The following NLGN1 variants were observed in gnomAD, a reference collection of about 807,000 sequenced individuals.
NLGN1 encodes neuroligin 1, also known as neuroligin-1.
Under a neutral mutation model 65.5 loss-of-function variants are expected in NLGN1, and 12 were observed. That is an observed-to-expected ratio of 0.18 (90% confidence interval 0.12 to 0.30). The LOEUF (loss-of-function observed/expected upper bound fraction) is 0.30. NLGN1 is among the 10% of genes least tolerant of loss of function. The probability of loss-of-function intolerance (pLI) is 1.00; values close to 1 mark genes in which losing one functional copy is unlikely to be tolerated. For missense variants in NLGN1, 750 were observed against 1,007.1 expected, an observed-to-expected ratio of 0.74 and a Z score of 3.46; for synonymous variants, 350 against 359.5, an observed-to-expected ratio of 0.97 and a Z score of 0.30.
At chr3:173,648,222 A>T (rs1758580861) in intron 3 of NLGN1, among the ~76,000 whole-genome samples, 1 of 152,228 alleles carries the variant, frequency 6.6e-6, no homozygotes, top group Admixed American at 6.5e-5. Context: ...TATGCTACAA[A>T]TTGAGAGAAA....
intron 2 of NLGN1, among the ~76,000 whole-genome samples, chr3:173,487,033 A>G (rs545896145): frequency 5.3e-5 from 8 of 151,726 alleles, no homozygotes; most frequent in Non-Finnish European, 8.8e-5. Flanking sequence ...ATTTCTGTTC[A>G]AATAGAAGAA....
chr3:174,167,628 A>AT (rs34000041), intron 4 of NLGN1, among the ~76,000 whole-genome samples: 17 of 121,334 alleles, frequency 1.4e-4, no homozygotes, highest in Admixed American at 1.6e-4. Context: ...TGCCCTTAAG[A>AT]TTTTTTTTTT....
intron 3 of NLGN1, among the ~76,000 whole-genome samples, chr3:173,781,938 A>G (rs1380863627): frequency 6.6e-6 from 1 of 152,162 alleles, no homozygotes; most frequent in Non-Finnish European, 1.5e-5. Context: ...ATTAAGCTTT[A>G]TTTGATTTAA....
chr3:173,641,887 A>G (rs901564048), intron 3 of NLGN1, among the ~76,000 whole-genome samples: 1 of 152,154 alleles, frequency 6.6e-6, no homozygotes, highest in Non-Finnish European at 1.5e-5. Flanking sequence ...TTTTCACACT[A>G]CAATGGCGGA....
chr3:173,552,084 G>T (rs1172167350), intron 2 of NLGN1, among the ~76,000 whole-genome samples: 2 of 152,186 alleles, frequency 1.3e-5, no homozygotes, highest in Non-Finnish European at 2.9e-5. Flanking sequence ...TATTGAAATA[G>T]ACTTATTGCA....
intron 4 of NLGN1, among the ~76,000 whole-genome samples, chr3:173,901,265 G>A (rs928027987): frequency 6.6e-6 from 1 of 151,744 alleles, no homozygotes; most frequent in African/African-American, 2.4e-5. Flanking sequence ...ACTGCAGGAA[G>A]GAGATGAGGA....
chr3:173,624,965 T>G (rs539134033), intron 3 of NLGN1, among the ~76,000 whole-genome samples: 7 of 152,210 alleles, frequency 4.6e-5, no homozygotes, highest in Non-Finnish European at 7.4e-5. Flanking sequence ...TAGTTGACAG[T>G]GATTTCATCC....
At chr3:174,192,533 T>C (rs1732587866) in intron 4 of NLGN1, among the ~76,000 whole-genome samples, 1 of 152,212 alleles carries the variant, frequency 6.6e-6, no homozygotes, top group Admixed American at 6.5e-5. Flanking sequence ...TCAATATTCA[T>C]TCAGTAAGTT....
At chr3:173,460,545 A>T (rs1723213215) in intron 2 of NLGN1, among the ~76,000 whole-genome samples, 1 of 152,084 alleles carries the variant, frequency 6.6e-6, no homozygotes, top group African/African-American at 2.4e-5. Flanking sequence ...AACTGAAGGT[A>T]TGGTTTTTGT....
At chr3:173,474,745 G>A (rs1485404267) in intron 2 of NLGN1, among the ~76,000 whole-genome samples, 1 of 152,118 alleles carries the variant, frequency 6.6e-6, no homozygotes. Context: ...GGATCACGAG[G>A]TCAGGAGTTC....
At chr3:173,640,045 T>A (rs1757163710) in intron 3 of NLGN1, among the ~76,000 whole-genome samples, 1 of 152,168 alleles carries the variant, frequency 6.6e-6, no homozygotes, top group Non-Finnish European at 1.5e-5. Flanking sequence ...AAAAAGCTTT[T>A]AAAATCACCT....
intron 4 of NLGN1, among the ~76,000 whole-genome samples, chr3:173,885,144 A>G (rs891543803): frequency 6.6e-6 from 1 of 152,176 alleles, no homozygotes; most frequent in Admixed American, 6.6e-5. Context: ...AAATTTCACT[A>G]TCTCCATAGA....
intron 4 of NLGN1, among the ~76,000 whole-genome samples, chr3:174,258,915 G>A (rs13074239): frequency 0.041 from 6,300 of 152,140 alleles, 175 homozygotes; most frequent in South Asian, 0.098. Context: ...GTATTATGTT[G>A]AAGATATGGT....
At chr3:173,417,599 T>C (rs1186537263) in intron 1 of NLGN1, among the ~76,000 whole-genome samples, 1 of 151,390 alleles carries the variant, frequency 6.6e-6, no homozygotes, top group African/African-American at 2.4e-5. Flanking sequence ...TTTGAGTTGC[T>C]TAATTATCAT....
intron 2 of NLGN1, among the ~76,000 whole-genome samples, chr3:173,596,411 T>A (rs1175400396): frequency 6.6e-6 from 1 of 152,246 alleles, no homozygotes; most frequent in Non-Finnish European, 1.5e-5. Context: ...CTGCCTTATC[T>A]CTTTCTATTT....
At chr3:174,071,469 T>A (rs937060534) in intron 4 of NLGN1, among the ~76,000 whole-genome samples, 1 of 151,926 alleles carries the variant, frequency 6.6e-6, no homozygotes, top group African/African-American at 2.4e-5. Context: ...ATCACTTGAG[T>A]CCAGCTGTTC....
chr3:173,448,605 T>C lies in NLGN1; in HGVS notation c.-321+13527T>C, dbSNP rs543898004. On this transcript the variant is annotated intron_variant, in intron 2 of 6. Transcript: ENST00000457714. The stretch of plus-strand genomic sequence containing the variant: ...ATGGGTTAGGGAGGATTCCCTCTTT[T>C]TCTATTGACTGGAATAGTTTCAGAA... Among the ~76,000 whole-genome samples the C allele has an allele frequency of 2.0e-5, 3 of 152,342 alleles. No homozygotes were observed. In the East Asian group the frequency reaches 5.8e-4, roughly 29 times the overall value.
At chr3:173,645,416 C>T (rs1203646528) in intron 3 of NLGN1, among the ~76,000 whole-genome samples, 1 of 152,236 alleles carries the variant, frequency 6.6e-6, no homozygotes, top group Non-Finnish European at 1.5e-5. Flanking sequence ...GGCTTTCCTC[C>T]ACTATTCCCA....
chr3:173,627,009 A>C (rs1754924369), intron 3 of NLGN1, among the ~76,000 whole-genome samples: 1 of 152,086 alleles, frequency 6.6e-6, no homozygotes, highest in African/African-American at 2.4e-5. Flanking sequence ...AGGAAACAAA[A>C]ACATTTTCAT....
Sources: gnomAD v4.1 joint callset for allele counts (sites outside exome capture counted in the v4.1 genomes callset) on GRCh38, gnomAD v4.1.1 for gene constraint, MANE v1.5 for transcripts, NCBI Gene and HGNC (gene_info 2026-07-23, HGNC 2026-07-21) for gene names.